RFX4: variants seen among roughly 807,000 people sequenced by gnomAD.
RFX4 encodes transcription factor RFX4.
RFX4 carries 10 observed loss-of-function variants against 95.0 expected under a neutral mutation model. The ratio of observed to expected loss-of-function variants is 0.11; its 90% CI spans 0.06 to 0.18. RFX4 has a LOEUF of 0.18. RFX4 is among the 10% of genes least tolerant of loss of function. The pLI is 1.00. For synonymous variants in RFX4, 321 were observed against 340.7 expected (o/e 0.94, Z 0.64); for missense variants, 640 against 922.0 (o/e 0.69, Z 3.96).
chr12:106,693,221 C>A, intron 7 of RFX4: 2 of 279,790 alleles, frequency 7.1e-6, no homozygotes, highest in South Asian at 6.6e-5. Flanking sequence ...TATCATTGGA[C>A]AATAAATGAC....
intron 2 of RFX4, among the ~76,000 whole-genome samples, chr12:106,637,656 T>C (rs1198380015): frequency 6.7e-6 from 1 of 149,802 alleles, no homozygotes; most frequent in Non-Finnish European, 1.5e-5. Context: ...TGACTGTTCC[T>C]ATCAATAATC....
chr12:106,641,369 T>C (rs942945879), intron 3 of RFX4, among the ~76,000 whole-genome samples: 1 of 149,366 alleles, frequency 6.7e-6, no homozygotes, highest in Non-Finnish European at 1.5e-5. Context: ...GTCTAGCTCA[T>C]AGGGTAGTCA....
rs764592753 is a variant in RFX4, at chr12:106,583,366, T to C, written c.43+3T>C. Reference sequence around the variant, plus strand: ...GGAACCCGACATGGATTCCACAGGTTAGTCCTACTGGCGGGGTTGGGGGGA... The same window carrying C: ...GGAACCCGACATGGATTCCACAGGTCAGTCCTACTGGCGGGGTTGGGGGGA... On this transcript the variant is annotated splice_donor_region_variant and intron_variant, in intron 1 of 17. Transcript: ENST00000392842. 3.7e-5 allele frequency: 58 copies of C among 1,579,020 alleles called. No individual in the cohort carries two copies. The highest frequency in any genetic ancestry group is 8.2e-5 in the South Asian group (7 of 85,272).
At chr12:106,639,785 C>T (rs912932764) in intron 3 of RFX4, among the ~76,000 whole-genome samples, 1 of 152,136 alleles carries the variant, frequency 6.6e-6, no homozygotes, top group African/African-American at 2.4e-5. Flanking sequence ...ATTAATAACA[C>T]TAACAAGAGT....
chr12:106,679,429 G>A (rs2041460987), intron 4 of RFX4, among the ~76,000 whole-genome samples: 1 of 151,794 alleles, frequency 6.6e-6, no homozygotes, highest in Admixed American at 6.6e-5. Context: ...ACTCCAGCCT[G>A]GGCAACAGAG....
intron 6 of RFX4, among the ~76,000 whole-genome samples, chr12:106,687,398 C>CA (rs1565979925): frequency 1.3e-5 from 2 of 151,624 alleles, no homozygotes; most frequent in Non-Finnish European, 2.9e-5. Flanking sequence ...ACTAAAAATA[C>CA]AAAAAATTAG....
intron 17 of RFX4, among the ~76,000 whole-genome samples, chr12:106,756,646 G>T (rs2043113566): frequency 6.6e-6 from 1 of 152,088 alleles, no homozygotes; most frequent in Admixed American, 6.6e-5. Flanking sequence ...TCCCAGCTTT[G>T]CCTCCAATTA....
chr12:106,616,436 A>G (rs1480847714), intron 2 of RFX4, among the ~76,000 whole-genome samples: 1 of 152,036 alleles, frequency 6.6e-6, no homozygotes, highest in East Asian at 1.9e-4. Flanking sequence ...TTTCTTTTTT[A>G]TTATGTTCTT....
intron 3 of RFX4, among the ~76,000 whole-genome samples, chr12:106,642,430 A>G (rs2137288435): frequency 6.6e-6 from 1 of 152,082 alleles, no homozygotes. Flanking sequence ...AGCCTGGGCA[A>G]TATAGTGAGA....
intron 4 of RFX4, among the ~76,000 whole-genome samples, chr12:106,678,967 C>T (rs1193054716): frequency 6.6e-6 from 1 of 152,120 alleles, no homozygotes; most frequent in Non-Finnish European, 1.5e-5. Context: ...TTCCTTATTT[C>T]AGATTATTTC....
chr12:106,602,478 A>G (rs1863505), intron 1 of RFX4, among the ~76,000 whole-genome samples: 3,683 of 152,332 alleles, frequency 0.024, 69 homozygotes, highest in South Asian at 0.046. Flanking sequence ...GTAAGTGGCC[A>G]GGCTGGGATT....
intron 1 of RFX4, among the ~76,000 whole-genome samples, chr12:106,590,876 GT>G (rs2039529811): frequency 6.6e-6 from 1 of 152,090 alleles, no homozygotes; most frequent in Non-Finnish European, 1.5e-5. Context: ...GAGCCCAGGT[GT>G]TCAAGGCTGT....
At chr12:106,605,941 T>C (rs1192560287) in intron 1 of RFX4, among the ~76,000 whole-genome samples, 1 of 152,190 alleles carries the variant, frequency 6.6e-6, no homozygotes, top group African/African-American at 2.4e-5. Flanking sequence ...CCACTTCTTG[T>C]AGCCTTGCTT....
intron 3 of RFX4, among the ~76,000 whole-genome samples, chr12:106,639,623 A>G (rs2137279693): frequency 6.6e-6 from 1 of 152,324 alleles, no homozygotes; most frequent in African/African-American, 2.4e-5. Context: ...CTGTTATCCA[A>G]ACACTGGCAA....
intron 13 of RFX4, among the ~76,000 whole-genome samples, chr12:106,726,321 C>T (rs1199285580): frequency 6.6e-6 from 1 of 151,476 alleles, no homozygotes; most frequent in Non-Finnish European, 1.5e-5. Flanking sequence ...AAGTTTAGGA[C>T]ATCCTGGCCC....
intron 4 of RFX4, chr12:106,662,196 C>T (rs1413000040): frequency 2.4e-6 from 1 of 413,458 alleles, no homozygotes; most frequent in Admixed American, 2.6e-5. Flanking sequence ...AATGAGAGTT[C>T]CTGTTGCTCT....
rs555671327 is a variant in RFX4, at chr12:106,586,536, T to C, written c.43+3173T>C. On this transcript the variant is annotated intron_variant, in intron 1 of 17. Coordinates refer to ENST00000392842, the MANE Select transcript of RFX4 (RefSeq NM_213594.3). The surrounding 1 kb of genome is among the most constrained non-coding windows in gnomAD (Gnocchi z 5.6). ...AAGGATCATTTCTTTTAAAACGGGA[T>C]GGCGCGTTAGAGAGGGCCACTGCCA... is the stretch of plus-strand genomic sequence containing the variant. Among the ~76,000 whole-genome samples the C allele has an allele frequency of 6.6e-6, 1 of 151,066 alleles. No individual in the cohort carries two copies. Among genetic ancestry groups the C allele is most frequent in the Non-Finnish European group, 1.5e-5 (1 of 67,908 alleles).
In RFX4 at chr12:106,720,637, T is replaced by C. The variant is rs2042379708; in HGVS notation, c.1234-122T>C. Reference sequence around the variant, plus strand: ...AGGCTCATGCGATCATCCGCCCACCTTGGCCTCCCAAAGTGCTGGGATTAC... The same window carrying C: ...AGGCTCATGCGATCATCCGCCCACCCTGGCCTCCCAAAGTGCTGGGATTAC... On this transcript the variant is annotated intron_variant, in intron 12 of 17. Transcript: ENST00000392842. The surrounding 1 kb of genome is among the most constrained non-coding windows in gnomAD (Gnocchi z 4.2). 2.2e-6 allele frequency: 2 copies of C among 892,660 alleles called. No individual in the cohort carries two copies. Among genetic ancestry groups the C allele is most frequent in the Admixed American group, 3.8e-5 (2 of 52,472 alleles). 55.3% of individuals were successfully genotyped at this position (892,660 alleles called of 1,614,324 possible). A position where few individuals can be genotyped will look rare whatever the true frequency, so the allele number is the denominator to read the frequency against.
At chr12:106,695,058 C>A (rs539077835) in intron 7 of RFX4, among the ~76,000 whole-genome samples, 34 of 152,118 alleles carry the variant, frequency 2.2e-4, no homozygotes, top group African/African-American at 7.9e-4. Flanking sequence ...AAGCTAATGG[C>A]AATAATACTT....
Sources: allele counts gnomAD v4.1 joint callset (sites outside exome capture counted in the v4.1 genomes callset), GRCh38; gene constraint gnomAD v4.1.1; non-coding constraint Gnocchi (gnomAD v3.1); transcripts MANE v1.5; gene names NCBI Gene and HGNC (gene_info 2026-07-23, HGNC 2026-07-21).